The following EYA1 variants were observed in gnomAD, a reference collection of about 807,000 sequenced individuals.
EYA1 encodes the protein protein phosphatase EYA1.
EYA1 carries 16 observed loss-of-function variants against 82.0 expected under a neutral mutation model. That is an observed-to-expected ratio of 0.20 (90% CI 0.13 to 0.30). The LOEUF (loss-of-function observed/expected upper bound fraction) is 0.30. Ranked by LOEUF, EYA1 falls within the 10% of genes least tolerant of loss-of-function variation. The pLI is 1.00. For missense variants in EYA1, 633 were observed against 730.7 expected, an observed-to-expected ratio of 0.87 and a Z score of 1.54; for synonymous variants, 261 against 264.4, an observed-to-expected ratio of 0.99 and a Z score of 0.12.
At chr8:71,323,574 T>A (rs902656579) in intron 4 of EYA1, among the ~76,000 whole-genome samples, 3 of 152,216 alleles carry the variant, frequency 2.0e-5, no homozygotes, top group Non-Finnish European at 4.4e-5. Context: ...AGATCTAGAT[T>A]AGTACCACTC....
At chr8:71,300,158 T>C (rs1820045974) in intron 7 of EYA1, among the ~76,000 whole-genome samples, 1 of 152,192 alleles carries the variant, frequency 6.6e-6, no homozygotes, top group South Asian at 2.1e-4. Context: ...TTGTATTATA[T>C]GGTCATTAAA....
intron 2 of EYA1, among the ~76,000 whole-genome samples, chr8:71,382,543 A>T (rs766131396): frequency 1.3e-5 from 2 of 152,142 alleles, no homozygotes; most frequent in Admixed American, 6.5e-5. Context: ...AGAATTTTTT[A>T]AAAATATTTT....
At chr8:71,353,110 T>G (rs1826468618) in intron 3 of EYA1, among the ~76,000 whole-genome samples, 1 of 152,258 alleles carries the variant, frequency 6.6e-6, no homozygotes, top group African/African-American at 2.4e-5. Flanking sequence ...TGAATGACTG[T>G]CTTATCTGGA....
intron 2 of EYA1, among the ~76,000 whole-genome samples, chr8:71,480,610 T>C (rs1392700788): frequency 6.6e-6 from 1 of 152,096 alleles, no homozygotes; most frequent in Admixed American, 6.5e-5. Flanking sequence ...AAAAATCCCA[T>C]GAATTCCTTT....
At chr8:71,512,343 A>G (rs1423389841) in intron 2 of EYA1, among the ~76,000 whole-genome samples, 1 of 152,134 alleles carries the variant, frequency 6.6e-6, no homozygotes, top group Non-Finnish European at 1.5e-5. Flanking sequence ...AAAGTTCAGA[A>G]AAAAGTTTTT....
At chr8:71,511,156 A>G (rs1231240640) in intron 2 of EYA1, among the ~76,000 whole-genome samples, 1 of 152,210 alleles carries the variant, frequency 6.6e-6, no homozygotes, top group African/African-American at 2.4e-5. Context: ...CTAAAAAAAA[A>G]TAAGATCATG....
intron 2 of EYA1, among the ~76,000 whole-genome samples, chr8:71,372,700 T>G (rs912609958): frequency 2.0e-5 from 3 of 151,790 alleles, no homozygotes; most frequent in African/African-American, 7.3e-5. Context: ...AAAGGAGAGG[T>G]AAACAAATAG....
At chr8:71,275,551 G>A (rs765487034) in intron 9 of EYA1, among the ~76,000 whole-genome samples, 1 of 152,192 alleles carries the variant, frequency 6.6e-6, no homozygotes, top group Non-Finnish European at 1.5e-5. Context: ...AATGCAGTGT[G>A]TGTACAAGGG....
At chr8:71,394,234 T>G (rs918998142) in intron 2 of EYA1, among the ~76,000 whole-genome samples, 1 of 152,232 alleles carries the variant, frequency 6.6e-6, no homozygotes, top group African/African-American at 2.4e-5. Flanking sequence ...TCTCCCATTC[T>G]GTAGGTTGCC....
In EYA1 at chr8:71,356,443, A is replaced by G. The variant is rs201352094; in HGVS notation, c.-5+19T>C. ...GAAAGGTAATCTCCAAAAATGTCAAATATCAACAATATCCTTACCTGCAAC... is the reference window on the plus strand; with the variant it reads ...GAAAGGTAATCTCCAAAAATGTCAAGTATCAACAATATCCTTACCTGCAAC... On this transcript the variant is annotated intron_variant, in intron 2 of 17. Transcript: ENST00000340726. 1.7e-4 allele frequency: 272 copies of G among 1,574,260 alleles called. 1 individual carries two copies. The African/African-American group carries it at 3.3e-3, about 19-fold the overall frequency.
chr8:71,444,516 T>A (rs970234851), intron 2 of EYA1, among the ~76,000 whole-genome samples: 2 of 152,186 alleles, frequency 1.3e-5, no homozygotes, highest in African/African-American at 4.8e-5. Flanking sequence ...CAGACAGTAT[T>A]GAGGATTTAG....
In EYA1 at chr8:71,448,164, A is replaced by AT. The variant is rs369805951; in HGVS notation, c.33+87579dup. 3.5e-3 allele frequency among the ~76,000 whole-genome samples: 534 copies of AT among 152,040 alleles called. 3 individuals are homozygous for AT. Among genetic ancestry groups the AT allele is most frequent in the African/African-American group, 0.013 (519 of 41,488 alleles). On this transcript the variant is annotated intron_variant, in intron 2 of 18. Transcript: ENST00000643681. ...AGGCACATGCTACCATGCCTGGCTA[A>AT]TTTTTTGTATTTAAGAGCCTTTCAT... is the stretch of plus-strand genomic sequence containing the variant.
chr8:71,378,254 T>C (rs1828491811), intron 2 of EYA1, among the ~76,000 whole-genome samples: 1 of 152,118 alleles, frequency 6.6e-6, no homozygotes, highest in Non-Finnish European at 1.5e-5. Context: ...AGGAAGATAT[T>C]AATAGAAGAT....
intron 2 of EYA1, among the ~76,000 whole-genome samples, chr8:71,467,291 T>C (rs1808851727): frequency 6.6e-6 from 1 of 152,138 alleles, no homozygotes; most frequent in African/African-American, 2.4e-5. Flanking sequence ...TATCCCTTTT[T>C]TGTAAGACAG....
chr8:71,529,231 T>C (rs368031067), intron 2 of EYA1, among the ~76,000 whole-genome samples: 29 of 152,318 alleles, frequency 1.9e-4, no homozygotes, highest in African/African-American at 7.0e-4. Context: ...TTATTATCTA[T>C]TTGCTGAGTA....
intron 2 of EYA1, among the ~76,000 whole-genome samples, chr8:71,489,715 T>G (rs529956582): frequency 3.9e-5 from 6 of 152,384 alleles, no homozygotes; most frequent in African/African-American, 1.4e-4. Context: ...ATGAAAGAAC[T>G]CTTGCTCTAG....
intron 2 of EYA1, among the ~76,000 whole-genome samples, chr8:71,455,859 C>T (rs552273119): frequency 2.9e-4 from 44 of 152,248 alleles, no homozygotes; most frequent in Admixed American, 2.7e-3. Context: ...GACAGGGATG[C>T]CCTGTCTCAC....
At chr8:71,387,994 A>G (rs1829059921) in intron 2 of EYA1, among the ~76,000 whole-genome samples, 1 of 152,180 alleles carries the variant, frequency 6.6e-6, no homozygotes, top group South Asian at 2.1e-4. Flanking sequence ...GTCAAGAATA[A>G]GCTAGCATAT....
chr8:71,227,179 A>AT (rs928078750), intron 12 of EYA1, among the ~76,000 whole-genome samples: 5 of 151,094 alleles, frequency 3.3e-5, no homozygotes, highest in Non-Finnish European at 3.0e-5. Context: ...TATAAATATC[A>AT]TTTTTTTTTG....
Sources: gnomAD v4.1 joint callset for allele counts (sites outside exome capture counted in the v4.1 genomes callset) on GRCh38, gnomAD v4.1.1 for gene constraint, MANE v1.5 for transcripts, NCBI Gene and HGNC (gene_info 2026-07-23, HGNC 2026-07-21) for gene names.